PEX2: variants seen among roughly 807,000 people sequenced by gnomAD.
The protein encoded by PEX2 is peroxisomal biogenesis factor 2.
PEX2 carries 19 observed loss-of-function variants against 25.2 expected under a neutral mutation model. That is an observed-to-expected ratio of 0.75 (90% CI 0.53 to 1.10). The LOEUF (loss-of-function observed/expected upper bound fraction) is 1.10, where lower values mean the gene tolerates loss of function less well. Ranked by LOEUF, PEX2 falls within the 50% of genes least tolerant of loss-of-function variation. The pLI is 0.00. For missense variants in PEX2, 347 were observed against 350.6 expected (o/e 0.99, Z 0.08); for synonymous variants, 141 against 127.7 (o/e 1.10, Z -0.70).
chr8:76,990,384 G>T (rs908257664), intron 1 of PEX2, among the ~76,000 whole-genome samples: 2 of 152,126 alleles, frequency 1.3e-5, no homozygotes, highest in Non-Finnish European at 2.9e-5. Context: ...TTTCCTTCAA[G>T]AACTTTTCCT....
chr8:76,995,885 T>C (rs1807311093), intron 1 of PEX2, among the ~76,000 whole-genome samples: 1 of 150,566 alleles, frequency 6.6e-6, no homozygotes, highest in South Asian at 2.1e-4. Context: ...AGACAAGTCA[T>C]TTTATTACAC....
At chr8:76,988,566 G>A (rs1807070247) in intron 1 of PEX2, among the ~76,000 whole-genome samples, 1 of 152,186 alleles carries the variant, frequency 6.6e-6, no homozygotes, top group South Asian at 2.1e-4. Flanking sequence ...GGAGGGTCCT[G>A]CCTTGATGTT....
Position 76,994,500 on chromosome 8 carries a change from G to A in PEX2, c.-160+5490C>T, listed in dbSNP as rs114361308. On this transcript the variant is annotated intron_variant, in intron 1 of 3. Coordinates refer to ENST00000357039, the MANE Select transcript of PEX2 (RefSeq NM_000318.3). ...AATACCATGTAACATCTCCTACATC[G>A]CTGCTATCAATATACACATTATTAT... Among the ~76,000 whole-genome samples the A allele has an allele frequency of 4.7e-3, 709 of 152,082 alleles. 5 individuals carry two copies. The highest frequency in any genetic ancestry group is 0.016 in the African/African-American group (673 of 41,492).
intron 1 of PEX2, among the ~76,000 whole-genome samples, chr8:76,989,831 T>C (rs747193132): frequency 2.0e-5 from 3 of 152,196 alleles, no homozygotes; most frequent in Admixed American, 2.0e-4. Context: ...TTAAGGGTCT[T>C]TGAATTTTTA....
At position 76,999,655 on chromosome 8, in the gene PEX2, G is replaced by A. The variant is rs569454879; in HGVS notation, c.-160+335C>T. 4.7e-5 allele frequency: 17 copies of A among 362,494 alleles called. No individual in the cohort carries two copies. In the East Asian group the frequency reaches 1.1e-3, roughly 23 times the overall value. The allele number at this position is 362,494 out of a possible 1,614,324, so 22.5% of individuals were successfully genotyped here. On this transcript the variant is annotated intron_variant, in intron 1 of 3. Transcript: ENST00000357039. ...CAATTCTTTATAAAGCCGTTTATAAGAGGTAAATATCTTCACGACCGCCAA... is the reference window on the plus strand; with the variant it reads ...CAATTCTTTATAAAGCCGTTTATAAAAGGTAAATATCTTCACGACCGCCAA...
At chr8:76,998,156 T>G (rs542247069) in intron 1 of PEX2, among the ~76,000 whole-genome samples, 14 of 152,304 alleles carry the variant, frequency 9.2e-5, no homozygotes, top group African/African-American at 3.4e-4. Flanking sequence ...CTTGTGCTAT[T>G]GGAACCTGAG....
At chr8:76,999,287 T>C (rs1203737649) in intron 1 of PEX2, among the ~76,000 whole-genome samples, 1 of 152,174 alleles carries the variant, frequency 6.6e-6, no homozygotes, top group Non-Finnish European at 1.5e-5. Flanking sequence ...GACTTGAACG[T>C]TCAACAGCTT....
intron 1 of PEX2, among the ~76,000 whole-genome samples, chr8:76,993,059 C>G (rs964253943): frequency 1.3e-5 from 2 of 152,092 alleles, no homozygotes; most frequent in Non-Finnish European, 2.9e-5. Context: ...GTTATTTAAC[C>G]CCCGTCAATG....
At chr8:77,000,660 A>T (rs1807485675), upstream of PEX2, among the ~76,000 whole-genome samples, 1 of 152,142 alleles carries the variant, frequency 6.6e-6, no homozygotes, top group African/African-American at 2.4e-5. Context: ...TTATCTCTGC[A>T]GGCTCAGGAA....
intron 2 of PEX2, among the ~76,000 whole-genome samples, chr8:76,987,702 A>G (rs1807046549): frequency 6.6e-6 from 1 of 152,218 alleles, no homozygotes; most frequent in African/African-American, 2.4e-5. Context: ...AAAAGTATCA[A>G]TGGGGACAGA....
chr8:76,983,548 T>G lies in PEX2; in HGVS notation c.631A>C (p.Ile211Leu), dbSNP rs770422224. The change falls in exon 4 of 4, where the codon ATC becomes CTC. Residue 211 changes from isoleucine (I) to leucine (L), a missense_variant. By Grantham distance (5) the Ile-to-Leu change is conservative (BLOSUM62 2). Transcript: ENST00000357039. ...AEFLIFLLPL[I>L]NVQKLKAKLS... ...TTGGCTTTCAACTTCTGGACATTGA[T>G]AAGTGGTAAGAGAAAAATCAGAAAT... The G allele has an allele frequency of 5.0e-6, 8 of 1,614,054 alleles. No homozygotes were observed. Among genetic ancestry groups the G allele is most frequent in the Non-Finnish European group, 6.8e-6 (8 of 1,180,036 alleles).
chr8:76,991,715 C>T (rs543416180), intron 1 of PEX2, among the ~76,000 whole-genome samples: 16 of 152,274 alleles, frequency 1.1e-4, no homozygotes, highest in Admixed American at 1.0e-3. Context: ...GGCCTGGGCT[C>T]AAGTTCTAGC....
chr8:76,997,737 T>C (rs965932472), intron 1 of PEX2, among the ~76,000 whole-genome samples: 2 of 152,168 alleles, frequency 1.3e-5, no homozygotes, highest in African/African-American at 4.8e-5. Flanking sequence ...ATATATTAAA[T>C]TGAGTAAGAA....
chr8:77,000,319 G>A, upstream of PEX2: 1 of 289,314 alleles, frequency 3.5e-6, no homozygotes, highest in South Asian at 3.0e-5. Flanking sequence ...TGATTGGCAG[G>A]AGAGTCACGA....
chr8:76,980,520 G>C lies in PEX2; in HGVS notation c.*2741C>G, dbSNP rs1393171186. ...TAGGTTCATGTGGTATATGGGAGGAGCATCACCTACATTTAAGTAACCAGG... is the reference window on the plus strand; with the variant it reads ...TAGGTTCATGTGGTATATGGGAGGACCATCACCTACATTTAAGTAACCAGG... On this transcript the variant is annotated 3_prime_UTR_variant, in exon 4 of 4. Coordinates refer to ENST00000357039, the MANE Select transcript of PEX2 (RefSeq NM_000318.3). 6.6e-6 allele frequency: 1 copy of C among 152,214 alleles called. No homozygotes were observed. The highest frequency in any genetic ancestry group is 2.4e-5 in the African/African-American group (1 of 41,448). The allele number at this position is 152,214 out of a possible 1,614,324, so 9.4% of individuals were successfully genotyped here.
At chr8:76,994,881 C>A (rs1211485434) in intron 1 of PEX2, among the ~76,000 whole-genome samples, 2 of 152,156 alleles carry the variant, frequency 1.3e-5, no homozygotes, top group Non-Finnish European at 2.9e-5. Context: ...TATGACTAGA[C>A]ATCTTAAGTT....
chr8:76,997,789 T>G (rs142633141), intron 1 of PEX2, among the ~76,000 whole-genome samples: 5 of 152,172 alleles, frequency 3.3e-5, no homozygotes, highest in Admixed American at 3.3e-4. Flanking sequence ...GATGGGAATA[T>G]GTTAGGAAGA....
chr8:76,995,099 C>G (rs548516558), intron 1 of PEX2, among the ~76,000 whole-genome samples: 1 of 152,324 alleles, frequency 6.6e-6, no homozygotes, highest in African/African-American at 2.4e-5. Flanking sequence ...GCACTGTGAA[C>G]AGGCCTAACA....
Position 76,982,395 on chromosome 8 carries a change from C to A in PEX2, c.*866G>T, listed in dbSNP as rs1806856871. 1 of 152,204 alleles carries A rather than the reference C, an allele frequency of 6.6e-6. No homozygotes were observed. The allele number at this position is 152,204 out of a possible 1,614,324, so 9.4% of individuals were successfully genotyped here. A position where few individuals can be genotyped will look rare whatever the true frequency, so the allele number is the denominator to read the frequency against. On this transcript the variant is annotated 3_prime_UTR_variant, in exon 4 of 4. Transcript: ENST00000357039. Reference sequence around the variant, plus strand: ...CATACTAGTTGCCCCCAGTAGTTCCCAGGCCTCACTTCCAAGCTGCCTTAA... The same window carrying A: ...CATACTAGTTGCCCCCAGTAGTTCCAAGGCCTCACTTCCAAGCTGCCTTAA...
Sources: allele counts gnomAD v4.1 joint callset (sites outside exome capture counted in the v4.1 genomes callset), GRCh38; gene constraint gnomAD v4.1.1; transcripts MANE v1.5; gene names NCBI Gene and HGNC (gene_info 2026-07-23, HGNC 2026-07-21).